The following ATP7B variants were observed in gnomAD, a reference collection of about 807,000 sequenced individuals.
ATP7B encodes the protein copper-transporting ATPase 2.
A neutral mutation model predicts 118.9 loss-of-function variants in ATP7B; 113 were observed. That is an observed-to-expected ratio of 0.95 (90% CI 0.82 to 1.11). ATP7B has a LOEUF of 1.11. Among genes scored for constraint, ATP7B ranks in the 50% most tolerant of loss-of-function variants. The pLI is 0.00. For missense variants in ATP7B, 1,867 were observed against 1,871.4 expected (o/e 1.00, Z 0.04); for synonymous variants, 777 against 727.4 (o/e 1.07, Z -1.10).
rs928633484 is a variant in ATP7B, at chr13:51,994,603, C to G, written c.51+16684G>C. Among the ~76,000 whole-genome samples, 12 of 152,236 alleles carry G rather than the reference C, an allele frequency of 7.9e-5. 1 individual carries two copies. In the East Asian group the frequency reaches 2.1e-3, roughly 27 times the overall value. The stretch of plus-strand genomic sequence containing the variant: ...GTTTCTGTCTTCAATATCCAAGTAC[C>G]CTGTGATTTCAACGTATGTAAATCT... On this transcript the variant is annotated intron_variant, in intron 1 of 20. Coordinates refer to ENST00000242839, the MANE Select transcript of ATP7B (RefSeq NM_000053.4).
intron 1 of ATP7B, chr13:51,975,655 A>G (rs1034571122): frequency 5.6e-5 from 26 of 461,894 alleles, no homozygotes; most frequent in African/African-American, 9.9e-5. Context: ...CCTTACTTCT[A>G]TATCTCTTTC....
chr13:51,982,005 A>AT (rs5803589), intron 1 of ATP7B, among the ~76,000 whole-genome samples: 63,054 of 140,918 alleles, frequency 0.45, 14,660 homozygotes, highest in Non-Finnish European at 0.53. Flanking sequence ...TTGGGTGTGA[A>AT]TTTTTTTTTT....
chr13:51,979,195 C>T (rs979659843), intron 1 of ATP7B, among the ~76,000 whole-genome samples: 1 of 152,192 alleles, frequency 6.6e-6, no homozygotes, highest in Non-Finnish European at 1.5e-5. Context: ...CACGGCCAAG[C>T]ACAGTCAATA....
At chr13:51,955,661 C>T (rs1436321047) in intron 9 of ATP7B, among the ~76,000 whole-genome samples, 7 of 152,146 alleles carry the variant, frequency 4.6e-5, no homozygotes, top group African/African-American at 9.7e-5. Context: ...CAAACTGTAC[C>T]GAAGACCCTA....
At chr13:51,946,546 A>G in intron 12 of ATP7B, 68 bp from the exon 13 acceptor site, 1 of 1,567,596 alleles carries the variant, frequency 6.4e-7, no homozygotes, top group Non-Finnish European at 8.7e-7. Flanking sequence ...CTCTAATCAC[A>G]TAAGGACATT....
chr13:52,002,988 C>T (rs1255628974), intron 1 of ATP7B, among the ~76,000 whole-genome samples: 1 of 152,208 alleles, frequency 6.6e-6, no homozygotes, highest in Non-Finnish European at 1.5e-5. Context: ...CTGGACTAGG[C>T]TTTGGCTTAA....
chr13:51,935,112 T>A, intron 20 of ATP7B, 83 bp from the exon 21 acceptor site: 1 of 1,529,484 alleles, frequency 6.5e-7, no homozygotes, highest in South Asian at 1.2e-5. Context: ...AGGCCTCTCA[T>A]CCATCTTTTA....
chr13:51,978,936 T>C (rs1952261979), intron 1 of ATP7B: 1 of 152,264 alleles, frequency 6.6e-6, no homozygotes. Flanking sequence ...AGTTCATTCA[T>C]CACATGGCTG....
chr13:51,941,673 C>T lies in ATP7B; in HGVS notation c.3413-449G>A, dbSNP rs370579087. On this transcript the variant is annotated intron_variant, in intron 15 of 20. Coordinates refer to ENST00000242839, the MANE Select transcript of ATP7B (RefSeq NM_000053.4). ...ATGAAATGTTTAAAACTGTAACTCC[C>T]GAGGCTAATGCACCTCTCACCTATC... Among the ~76,000 whole-genome samples the T allele has an allele frequency of 4.6e-5, 7 of 152,292 alleles. No homozygotes were observed. The East Asian group carries it at 9.6e-4, about 21-fold the overall frequency.
chr13:51,959,655 C>T (rs1958601776), intron 7 of ATP7B: 1 of 186,248 alleles, frequency 5.4e-6, no homozygotes, highest in African/African-American at 2.4e-5. Flanking sequence ...CAGCTAGTTC[C>T]TTAATATCAC....
At chr13:52,003,720 G>C (rs1223731496) in intron 1 of ATP7B, among the ~76,000 whole-genome samples, 3 of 152,172 alleles carry the variant, frequency 2.0e-5, no homozygotes, top group African/African-American at 4.8e-5. Flanking sequence ...AGCAGAACAG[G>C]CCATGCGGGG....
intron 6 of ATP7B, 113 bp from the exon 7 acceptor site, chr13:51,960,435 G>C: frequency 1.5e-6 from 2 of 1,313,272 alleles, no homozygotes; most frequent in South Asian, 2.5e-5. Flanking sequence ...ACATGTCTGG[G>C]ACAGACCACC....
chr13:51,941,655 G>A (rs1434612932), intron 15 of ATP7B, among the ~76,000 whole-genome samples: 1 of 152,168 alleles, frequency 6.6e-6, no homozygotes, highest in Non-Finnish European at 1.5e-5. Flanking sequence ...TACATGAAAT[G>A]TTTAAAACTG....
chr13:51,991,112 C>G (rs566650701), intron 1 of ATP7B, among the ~76,000 whole-genome samples: 1 of 151,646 alleles, frequency 6.6e-6, no homozygotes, highest in African/African-American at 2.4e-5. Context: ...AAAAAAAGAA[C>G]CTAACCACCA....
chr13:51,979,235 A>G (rs1477449729), intron 1 of ATP7B, among the ~76,000 whole-genome samples: 1 of 152,204 alleles, frequency 6.6e-6, no homozygotes. Flanking sequence ...GCTTGAATAC[A>G]AGGGTGTGTA....
intron 14 of ATP7B, among the ~76,000 whole-genome samples, chr13:51,943,218 T>C (rs1346818741): frequency 2.0e-5 from 3 of 152,124 alleles, no homozygotes; most frequent in Non-Finnish European, 2.9e-5. Context: ...TATGACAACC[T>C]AGAACTGTGG....
chr13:51,952,640 GCT>G (rs1268399389), intron 9 of ATP7B, among the ~76,000 whole-genome samples: 1 of 152,120 alleles, frequency 6.6e-6, no homozygotes, highest in Non-Finnish European at 1.5e-5. Flanking sequence ...TTTAAATGTT[GCT>G]ATGTACAACT....
intron 1 of ATP7B, among the ~76,000 whole-genome samples, chr13:51,994,899 A>G (rs1015741124): frequency 2.6e-5 from 4 of 152,252 alleles, no homozygotes; most frequent in African/African-American, 4.8e-5. Context: ...ACTTTTGGAC[A>G]TGACCTAACC....
intron 4 of ATP7B, among the ~76,000 whole-genome samples, chr13:51,966,586 CTAGTTAAA>C (rs1417953077): frequency 2.0e-5 from 3 of 152,168 alleles, no homozygotes; most frequent in Admixed American, 6.5e-5. Flanking sequence ...TCCTAGAAGA[CTAGTTAAA>C]TGCAGAAATT....
Sources: allele counts gnomAD v4.1 joint callset (sites outside exome capture counted in the v4.1 genomes callset), GRCh38; gene constraint gnomAD v4.1.1; transcripts MANE v1.5; gene names NCBI Gene and HGNC (gene_info 2026-07-23, HGNC 2026-07-21).